KANSL1L: variants seen among roughly 807,000 people sequenced by gnomAD.
KANSL1L encodes the protein KAT8 regulatory NSL complex subunit 1-like protein.
A neutral mutation model predicts 108.6 loss-of-function variants in KANSL1L; 25 were observed. The ratio of observed to expected loss-of-function variants is 0.23; its 90% CI spans 0.17 to 0.32. The LOEUF is 0.32. Ranked by LOEUF, KANSL1L falls within the 10% of genes least tolerant of loss-of-function variation. KANSL1L has a pLI of 1.00. For synonymous variants in KANSL1L, 405 were observed against 395.1 expected, an observed-to-expected ratio of 1.03 and a Z score of -0.30; for missense variants, 1,137 against 1,125.7, an observed-to-expected ratio of 1.01 and a Z score of -0.14.
rs1384196131 is a variant in KANSL1L, at chr2:210,096,867, A to G, written c.1550+1219T>C. 9.3e-6 allele frequency: 6 copies of G among 643,318 alleles called. No homozygotes were observed. In the African/African-American group the frequency reaches 9.9e-5, roughly 11 times the overall value. The allele number at this position is 643,318 out of a possible 1,614,324, so 39.9% of individuals were successfully genotyped here. A position where few individuals can be genotyped will look rare whatever the true frequency, so the allele number is the denominator to read the frequency against. The stretch of plus-strand genomic sequence containing the variant: ...ATAACTCAACATAAATAAAATAGTA[A>G]AAGTATTAAAGATTAGATGTTCAAA... On this transcript the variant is annotated intron_variant, in intron 5 of 14. Coordinates refer to ENST00000281772, the MANE Select transcript of KANSL1L (RefSeq NM_152519.4).
rs187347107 is a variant in KANSL1L at position 210,073,557 on chromosome 2, C to T, written c.1755+1995G>A. ...AAAAATGGAAAAGAAAAAAAAAACT[C>T]AGTTCCTCAATTACATAAGCCATGT... On this transcript the variant is annotated intron_variant, in intron 6 of 14. Transcript: ENST00000281772. Among the ~76,000 whole-genome samples, 187 of 151,674 alleles carry T rather than the reference C, an allele frequency of 1.2e-3. 1 individual carries two copies. The highest frequency in any genetic ancestry group is 4.3e-3 in the African/African-American group (176 of 41,382).
chr2:210,136,830 CT>C (rs2095178204), intron 2 of KANSL1L, among the ~76,000 whole-genome samples: 2 of 152,142 alleles, frequency 1.3e-5, no homozygotes, highest in South Asian at 4.1e-4. Context: ...AAAAAAATGA[CT>C]ACCACTAAGC....
At chr2:210,119,686 T>C (rs1427964914) in intron 3 of KANSL1L, among the ~76,000 whole-genome samples, 1 of 152,092 alleles carries the variant, frequency 6.6e-6, no homozygotes, top group Non-Finnish European at 1.5e-5. Context: ...GGAACTTACC[T>C]CAACACAATA....
intron 8 of KANSL1L, among the ~76,000 whole-genome samples, chr2:210,035,508 C>A (rs2094089406): frequency 6.6e-6 from 1 of 152,066 alleles, no homozygotes; most frequent in African/African-American, 2.4e-5. Flanking sequence ...GAGATGAAGT[C>A]TCACTCTGTT....
chr2:210,079,652 A>ATATATGTATGTG lies in KANSL1L; in HGVS notation c.1551-3897_1551-3896insCACATACATATA, dbSNP rs1559539758. On this transcript the variant is annotated intron_variant, in intron 5 of 14. Coordinates refer to ENST00000281772, the MANE Select transcript of KANSL1L (RefSeq NM_152519.4). ...TATATATATATATATATATATATAT[A>ATATATGTATGTG]TATATATATATATGTATGTGTGTAT... Among the ~76,000 whole-genome samples the ATATATGTATGTG allele has an allele frequency of 2.1e-3, 43 of 20,172 alleles. 1 individual carries two copies. The highest frequency in any genetic ancestry group is 5.7e-3 in the African/African-American group (39 of 6,868). The allele number at this position is 20,172 out of a possible 152,430, so 13.2% of individuals were successfully genotyped here.
At chr2:210,031,053 G>C (rs2094009166) in intron 9 of KANSL1L, 1 of 162,386 alleles carries the variant, frequency 6.2e-6, no homozygotes. Context: ...AATCTGCAGT[G>C]CATCAACATC....
chr2:210,154,475 T>A lies in KANSL1L; in HGVS notation c.108A>T (p.Val36=). The change falls in exon 2 of 15, where the codon GTA becomes GTT. Residue 36 remains valine (V), a synonymous_variant. Coordinates refer to ENST00000281772, the MANE Select transcript of KANSL1L (RefSeq NM_152519.4). ...KMLYMESPRT[V]DEKLKGDTFS... is the part of the protein sequence containing the mutation. The stretch of plus-strand genomic sequence containing the variant: ...AGGTGTCTCCCTTTAGCTTTTCATC[T>A]ACAGTTCTGGGACTTTCCATGTAGA... 1 of 1,613,494 alleles carries A rather than the reference T, an allele frequency of 6.2e-7. No homozygotes were observed. The highest frequency in any genetic ancestry group is 8.5e-7 in the Non-Finnish European group (1 of 1,179,708).
intron 6 of KANSL1L, among the ~76,000 whole-genome samples, chr2:210,073,704 A>C (rs1015356591): frequency 4.6e-5 from 7 of 152,124 alleles, no homozygotes; most frequent in Admixed American, 2.0e-4. Context: ...AAGAAAAAAA[A>C]GAAAGTTCTA....
At chr2:210,039,796 G>T (rs531008478) in intron 8 of KANSL1L, among the ~76,000 whole-genome samples, 5 of 151,826 alleles carry the variant, frequency 3.3e-5, no homozygotes, top group South Asian at 2.1e-4. Flanking sequence ...GTATGTAAAA[G>T]AATTTTACTG....
chr2:210,124,185 CCAA>C (rs961701355), intron 3 of KANSL1L, among the ~76,000 whole-genome samples: 1 of 151,922 alleles, frequency 6.6e-6, no homozygotes, highest in African/African-American at 2.4e-5. Context: ...AACATTCTAC[CCAA>C]CAACAACCAC....
At chr2:210,094,524 C>T (rs987761078) in intron 5 of KANSL1L, among the ~76,000 whole-genome samples, 1 of 152,052 alleles carries the variant, frequency 6.6e-6, no homozygotes. Flanking sequence ...TGATATTCTA[C>T]TCCCAGTGTC....
At chr2:210,126,368 T>C (rs1470488099) in intron 3 of KANSL1L, among the ~76,000 whole-genome samples, 1 of 152,180 alleles carries the variant, frequency 6.6e-6, no homozygotes, top group Admixed American at 6.5e-5. Context: ...AGACTTAATG[T>C]TGTTAAGCTA....
intron 3 of KANSL1L, among the ~76,000 whole-genome samples, chr2:210,126,193 A>G (rs1398893306): frequency 1.3e-5 from 2 of 152,360 alleles, no homozygotes; most frequent in Middle Eastern, 6.8e-3. Flanking sequence ...AGAAAGTCAC[A>G]AAAACAATTC....
chr2:210,056,964 C>G (rs1345613414), intron 6 of KANSL1L, among the ~76,000 whole-genome samples: 1 of 152,188 alleles, frequency 6.6e-6, no homozygotes, highest in Non-Finnish European at 1.5e-5. Flanking sequence ...TCTTCAATCC[C>G]TGTGTGTATG....
intron 10 of KANSL1L, 197 bp from the exon 11 acceptor site, chr2:210,029,166 C>A (rs1050664690): frequency 3.9e-6 from 2 of 508,986 alleles, no homozygotes; most frequent in African/African-American, 4.0e-5. Context: ...AGAACAATCT[C>A]TTGGTAGATG....
chr2:210,134,428 C>A (rs1466752181), intron 2 of KANSL1L, among the ~76,000 whole-genome samples: 1 of 151,916 alleles, frequency 6.6e-6, no homozygotes, highest in East Asian at 1.9e-4. Flanking sequence ...TGTGCACATA[C>A]ATACACACAT....
At chr2:210,043,916 G>A in intron 7 of KANSL1L, 23 bp downstream of exon 7, 1 of 1,470,040 alleles carries the variant, frequency 6.8e-7, no homozygotes, top group South Asian at 1.4e-5. Flanking sequence ...TCGTTACTTA[G>A]AAATTGTTAC....
At chr2:210,138,908 G>C (rs1054299008) in intron 2 of KANSL1L, among the ~76,000 whole-genome samples, 8 of 152,024 alleles carry the variant, frequency 5.3e-5, no homozygotes, top group African/African-American at 1.9e-4. Flanking sequence ...AGACCAGCCT[G>C]GACAACATGG....
intron 6 of KANSL1L, among the ~76,000 whole-genome samples, chr2:210,074,472 G>C (rs1198413527): frequency 6.6e-6 from 1 of 152,058 alleles, no homozygotes; most frequent in African/African-American, 2.4e-5. Flanking sequence ...TGGGATTACA[G>C]GCACCGCCAC....
Sources: allele counts gnomAD v4.1 joint callset (sites outside exome capture counted in the v4.1 genomes callset), GRCh38; gene constraint gnomAD v4.1.1; transcripts MANE v1.5; gene names NCBI Gene and HGNC (gene_info 2026-07-23, HGNC 2026-07-21).